SIPA1L2: variants seen among roughly 807,000 people sequenced by gnomAD.
SIPA1L2 encodes signal induced proliferation associated 1 like 2.
SIPA1L2 carries 56 observed loss-of-function variants against 163.9 expected under a neutral mutation model. The ratio of observed to expected loss-of-function variants is 0.34; its 90% CI spans 0.28 to 0.43. SIPA1L2 has a LOEUF of 0.43. SIPA1L2 is among the 20% of genes least tolerant of loss of function. The probability of loss-of-function intolerance (pLI) is 1.00; values close to 1 mark genes in which losing one functional copy is unlikely to be tolerated. For missense variants in SIPA1L2, 1,974 were observed against 2,193.5 expected (o/e 0.90, Z 2.00); for synonymous variants, 877 against 865.7 (o/e 1.01, Z -0.23).
intron 2 of SIPA1L2, among the ~76,000 whole-genome samples, chr1:232,552,897 G>C (rs1314411318): frequency 6.6e-6 from 1 of 152,188 alleles, no homozygotes; most frequent in Admixed American, 6.5e-5. Flanking sequence ...ACAGGCAGGT[G>C]CAGGAACCAG....
At chr1:232,415,000 C>T (rs911285150) in intron 19 of SIPA1L2, among the ~76,000 whole-genome samples, 2 of 152,156 alleles carry the variant, frequency 1.3e-5, no homozygotes, top group South Asian at 2.1e-4. Flanking sequence ...AGGAAGAAGC[C>T]GAGGCCTCAA....
intron 2 of SIPA1L2, among the ~76,000 whole-genome samples, chr1:232,562,708 ACT>A (rs1659114369): frequency 2.0e-5 from 3 of 152,160 alleles, no homozygotes. Context: ...TTTACTACTG[ACT>A]CTGTTTAGTC....
chr1:232,522,974 C>G (rs1667527022), intron 2 of SIPA1L2, among the ~76,000 whole-genome samples: 1 of 152,188 alleles, frequency 6.6e-6, no homozygotes. Context: ...AGTGTTTAAG[C>G]TGATTCTCCA....
At chr1:232,623,449 C>CA (rs1001778132) in intron 1 of SIPA1L2, among the ~76,000 whole-genome samples, 7 of 150,918 alleles carry the variant, frequency 4.6e-5, no homozygotes, top group African/African-American at 9.7e-5. Flanking sequence ...ACTAAAAATA[C>CA]AAAAAAAAAT....
At chr1:232,454,008 C>T (rs1017072553) in intron 10 of SIPA1L2, among the ~76,000 whole-genome samples, 1 of 152,020 alleles carries the variant, frequency 6.6e-6, no homozygotes, top group Non-Finnish European at 1.5e-5. Flanking sequence ...AATTATCCAA[C>T]AAGGTGACAG....
At chr1:232,460,274 T>G (rs1400232030) in intron 10 of SIPA1L2, among the ~76,000 whole-genome samples, 1 of 152,196 alleles carries the variant, frequency 6.6e-6, no homozygotes, top group East Asian at 1.9e-4. Flanking sequence ...ATCCCAGCCC[T>G]CCACCTATCC....
Position 232,479,944 on chromosome 1 carries a change from G to A in SIPA1L2, c.1982-214C>T, listed in dbSNP as rs182526102. On this transcript the variant is annotated intron_variant, in intron 6 of 22. Transcript: ENST00000674635. ...TGAGAGGCTCCTTTCCTTCCCCACC[G>A]CTTTCTACTGCACCTTTAGTTTCCT... Among the ~76,000 whole-genome samples the A allele has an allele frequency of 4.8e-4, 73 of 152,100 alleles. No homozygotes were observed. In the East Asian group the frequency reaches 0.011, roughly 23 times the overall value.
At chr1:232,441,459 C>T in intron 13 of SIPA1L2, 65 bp from the exon 14 acceptor site, 1 of 1,326,772 alleles carries the variant, frequency 7.5e-7, no homozygotes, top group South Asian at 1.3e-5. Flanking sequence ...GTAAAGAAAA[C>T]CAGGAGTCAG....
Position 232,439,482 on chromosome 1 carries a change from A to G in SIPA1L2, c.3657T>C (p.Ser1219=). ...TGTTGCTGCTGGAGTGACTGGAGCA[A>G]CTTTTATCCCCAATCTTCAGAAGAA... The part of the protein sequence containing the change: ...PNKLSHIGDK[S]CSSHSSSNTL... Residue 1219 remains serine, a synonymous_variant, in exon 15 of 23, where the codon AGT becomes AGC. Transcript: ENST00000674635. 1.2e-6 allele frequency: 2 copies of G among 1,611,846 alleles called. No individual in the cohort carries two copies. The highest frequency in any genetic ancestry group is 1.7e-6 in the Non-Finnish European group (2 of 1,178,282).
intron 22 of SIPA1L2, among the ~76,000 whole-genome samples, chr1:232,399,857 C>T (rs1393453324): frequency 1.3e-5 from 2 of 152,152 alleles, no homozygotes; most frequent in Admixed American, 6.5e-5. Context: ...AGTTCCCCCC[C>T]TGCTGAAAGG....
chr1:232,608,055 A>ACAAAACAAAC (rs1553323452), intron 1 of SIPA1L2, among the ~76,000 whole-genome samples: 2 of 150,200 alleles, frequency 1.3e-5, no homozygotes, highest in African/African-American at 4.9e-5. Flanking sequence ...CTCAAAAAAA[A>ACAAAACAAAC]AAAAAAAAAA....
intron 10 of SIPA1L2, among the ~76,000 whole-genome samples, chr1:232,451,016 C>A (rs1663543384): frequency 6.6e-6 from 1 of 152,106 alleles, no homozygotes; most frequent in Non-Finnish European, 1.5e-5. Context: ...ATTAGCTATT[C>A]TCAAAAGAAT....
intron 7 of SIPA1L2, among the ~76,000 whole-genome samples, chr1:232,473,672 T>A (rs2102951901): frequency 6.6e-6 from 1 of 152,378 alleles, no homozygotes; most frequent in East Asian, 1.9e-4. Context: ...ACCACTGTTG[T>A]CCCTTTCTAG....
At chr1:232,599,175 G>A (rs1306686995) in intron 1 of SIPA1L2, among the ~76,000 whole-genome samples, 1 of 152,110 alleles carries the variant, frequency 6.6e-6, no homozygotes, top group Non-Finnish European at 1.5e-5. Flanking sequence ...CAGAATGAGG[G>A]CAGGGGTTCT....
intron 2 of SIPA1L2, among the ~76,000 whole-genome samples, chr1:232,553,158 G>A (rs1348506453): frequency 6.6e-6 from 1 of 152,196 alleles, no homozygotes; most frequent in Non-Finnish European, 1.5e-5. Context: ...GGATGGATGA[G>A]GAGCTGGAGA....
intron 10 of SIPA1L2, among the ~76,000 whole-genome samples, chr1:232,460,251 T>C (rs537141933): frequency 6.6e-6 from 1 of 152,236 alleles, no homozygotes; most frequent in East Asian, 1.9e-4. Flanking sequence ...TATTGCTTTC[T>C]AACCCCGTTC....
At chr1:232,617,084 A>G (rs1662539394) in intron 1 of SIPA1L2, among the ~76,000 whole-genome samples, 1 of 152,278 alleles carries the variant, frequency 6.6e-6, no homozygotes, top group Non-Finnish European at 1.5e-5. Context: ...ATTTGAATTA[A>G]TTAGAAATAA....
At chr1:232,512,865 T>C (rs1348704692) in intron 3 of SIPA1L2, among the ~76,000 whole-genome samples, 1 of 152,140 alleles carries the variant, frequency 6.6e-6, no homozygotes, top group Non-Finnish European at 1.5e-5. Context: ...AGAAGCAGAA[T>C]AGTTTATGCA....
chr1:232,504,667 T>G (rs888039428), intron 3 of SIPA1L2, among the ~76,000 whole-genome samples: 4 of 152,192 alleles, frequency 2.6e-5, no homozygotes, highest in Admixed American at 2.0e-4. Flanking sequence ...TCATGTAAAT[T>G]TTTGCTCTTT....
Sources: gnomAD v4.1 joint callset for allele counts (sites outside exome capture counted in the v4.1 genomes callset) on GRCh38, gnomAD v4.1.1 for gene constraint, MANE v1.5 for transcripts, NCBI Gene and HGNC (gene_info 2026-07-23, HGNC 2026-07-21) for gene names.